GPR158: variants seen among roughly 807,000 people sequenced by gnomAD.
GPR158 encodes G protein-coupled receptor 158, also known as metabotropic glycine receptor.
In GPR158, 30 loss-of-function variants were observed where a neutral mutation model predicts 78.2. That is an observed-to-expected ratio of 0.38 (90% CI 0.29 to 0.52). The LOEUF is 0.52. Among genes scored for constraint, GPR158 ranks in the 20% least tolerant of loss-of-function variants. The probability of loss-of-function intolerance (pLI) is 0.83; values close to 1 mark genes in which losing one functional copy is unlikely to be tolerated. For synonymous variants in GPR158, 581 were observed against 591.1 expected, an observed-to-expected ratio of 0.98 and a Z score of 0.25; for missense variants, 1,463 against 1,523.5, an observed-to-expected ratio of 0.96 and a Z score of 0.66.
chr10:25,596,781 G>T lies in GPR158; in HGVS notation c.2137G>T (p.Asp713Tyr). 6.2e-7 allele frequency: 1 copy of T among 1,613,218 alleles called. No homozygotes were observed. The highest frequency in any genetic ancestry group is 1.7e-4 in the Middle Eastern group (1 of 6,056). The change falls in exon 10 of 11, where the codon GAC (aspartate) becomes TAC (tyrosine). Residue 713 changes from aspartate to tyrosine, a missense_variant. Asp to Tyr is a radical substitution (Grantham distance 160). Transcript: ENST00000376351. ...AWSEHSLDPE[D>Y]IRDELKKLYA... ...GAGTGAGCACAGCTTGGATCCAGAG[G>T]ACATTCGGGTAATGCCAGTACTCTA...
intron 2 of GPR158, among the ~76,000 whole-genome samples, chr10:25,322,121 G>A (rs111352974): frequency 0.015 from 2,347 of 152,110 alleles, 69 homozygotes; most frequent in African/African-American, 0.053. Context: ...GGTGGCTCAC[G>A]CCTGTAATCC....
At chr10:25,194,406 G>T (rs1852817376) in intron 1 of GPR158, among the ~76,000 whole-genome samples, 1 of 152,168 alleles carries the variant, frequency 6.6e-6, no homozygotes, top group Non-Finnish European at 1.5e-5. Flanking sequence ...AAGCGTGGTG[G>T]TGCATGCCTG....
intron 2 of GPR158, among the ~76,000 whole-genome samples, chr10:25,257,198 A>G (rs1026841537): frequency 6.6e-6 from 1 of 152,050 alleles, no homozygotes; most frequent in African/African-American, 2.4e-5. Flanking sequence ...AATGGGCTGA[A>G]CTCACCCTTT....
chr10:25,191,274 A>G (rs146176039), intron 1 of GPR158, among the ~76,000 whole-genome samples: 44 of 152,356 alleles, frequency 2.9e-4, no homozygotes, highest in African/African-American at 1.0e-3. Flanking sequence ...GGAAAATGAG[A>G]CCAAGGGAGT....
At chr10:25,377,809 G>A (rs1423491052) in intron 2 of GPR158, among the ~76,000 whole-genome samples, 1 of 151,684 alleles carries the variant, frequency 6.6e-6, no homozygotes, top group Non-Finnish European at 1.5e-5. Flanking sequence ...TTTCATTTGG[G>A]GCTATTATGA....
Position 25,420,679 on chromosome 10 carries a change from A to G in GPR158, c.1335+8206A>G, listed in dbSNP as rs145748241. Among the ~76,000 whole-genome samples the G allele has an allele frequency of 7.2e-5, 11 of 152,240 alleles. No homozygotes were observed. The East Asian group carries it at 9.7e-4, about 13-fold the overall frequency. On this transcript the variant is annotated intron_variant, in intron 4 of 10. Coordinates refer to ENST00000376351, the MANE Select transcript of GPR158 (RefSeq NM_020752.3). ...AGAATCCAACTTCATTCTTTTTTGC[A>G]TATGAATTTCCAGTTTTCCCAACAC...
intron 2 of GPR158, among the ~76,000 whole-genome samples, chr10:25,339,908 G>A (rs143069580): frequency 8.5e-5 from 13 of 152,094 alleles, no homozygotes; most frequent in South Asian, 6.2e-4. Context: ...ATTTTGCTTC[G>A]CATATGTGCA....
At chr10:25,297,594 T>C (rs556442908) in intron 2 of GPR158, among the ~76,000 whole-genome samples, 1 of 152,368 alleles carries the variant, frequency 6.6e-6, no homozygotes, top group Admixed American at 6.5e-5. Flanking sequence ...AAGTATGTTC[T>C]GTTTTATCTC....
intron 5 of GPR158, among the ~76,000 whole-genome samples, chr10:25,542,130 T>A: frequency 6.6e-6 from 1 of 152,018 alleles, no homozygotes; most frequent in East Asian, 1.9e-4. Flanking sequence ...TTCTTTTATT[T>A]CTTTTTGTAA....
chr10:25,215,955 T>C (rs988800640), intron 1 of GPR158, among the ~76,000 whole-genome samples: 2 of 152,244 alleles, frequency 1.3e-5, no homozygotes, highest in Non-Finnish European at 2.9e-5. Context: ...AATTCACTTG[T>C]TCACAGGTGA....
intron 5 of GPR158, among the ~76,000 whole-genome samples, chr10:25,546,713 C>T (rs946242926): frequency 2.6e-5 from 4 of 152,138 alleles, no homozygotes; most frequent in Admixed American, 1.3e-4. Context: ...ATGGTTGTCA[C>T]GGAGCCTGCA....
At chr10:25,439,633 A>AT (rs201631503) in intron 4 of GPR158, among the ~76,000 whole-genome samples, 1,731 of 152,144 alleles carry the variant, frequency 0.011, 15 homozygotes, top group Non-Finnish European at 0.018. Context: ...TATTCCTATA[A>AT]TTTTTTGTAG....
At chr10:25,476,224 AAAAG>A (rs1457038443) in intron 5 of GPR158, among the ~76,000 whole-genome samples, 5 of 152,316 alleles carry the variant, frequency 3.3e-5, no homozygotes, top group African/African-American at 4.8e-5. Flanking sequence ...TATAATTTAT[AAAAG>A]AAAGAAAAGA....
intron 2 of GPR158, among the ~76,000 whole-genome samples, chr10:25,316,352 C>T (rs961716000): frequency 6.6e-6 from 1 of 152,140 alleles, no homozygotes; most frequent in Admixed American, 6.5e-5. Context: ...CCAATAAATA[C>T]ATATAACAGT....
intron 2 of GPR158, among the ~76,000 whole-genome samples, chr10:25,319,831 A>AC (rs1554793536): frequency 2.7e-5 from 2 of 75,466 alleles, no homozygotes; most frequent in Non-Finnish European, 5.7e-5. Context: ...CACCCCCCCC[A>AC]AAAAAAAACC....
intron 4 of GPR158, 23 bp from the exon 5 acceptor site, chr10:25,466,628 A>G: frequency 6.5e-7 from 1 of 1,539,896 alleles, no homozygotes. Context: ...GTTAGTAATG[A>G]CGTTTTTATT....
chr10:25,546,150 G>C (rs902638021), intron 5 of GPR158, among the ~76,000 whole-genome samples: 2 of 152,140 alleles, frequency 1.3e-5, no homozygotes, highest in Non-Finnish European at 2.9e-5. Context: ...AAAAGCAGTA[G>C]GCATTGTGTC....
intron 2 of GPR158, among the ~76,000 whole-genome samples, chr10:25,380,955 A>G (rs1834146301): frequency 6.6e-6 from 1 of 152,246 alleles, no homozygotes; most frequent in South Asian, 2.1e-4. Flanking sequence ...GCAGTTAGCA[A>G]GTATGCAGAT....
chr10:25,464,580 C>T (rs527798790), intron 4 of GPR158, among the ~76,000 whole-genome samples: 241 of 152,196 alleles, frequency 1.6e-3, no homozygotes, highest in African/African-American at 5.0e-3. Flanking sequence ...TTAAAATACC[C>T]GTTTTATGGG....
Sources: gnomAD v4.1 joint callset for allele counts (sites outside exome capture counted in the v4.1 genomes callset) on GRCh38, gnomAD v4.1.1 for gene constraint, MANE v1.5 for transcripts, NCBI Gene and HGNC (gene_info 2026-07-23, HGNC 2026-07-21) for gene names.